Variants in NAALADL2 observed in about 807,000 individuals in gnomAD.
The protein encoded by NAALADL2 is inactive N-acetylated-alpha-linked acidic dipeptidase-like protein 2.
Under a neutral mutation model 87.2 loss-of-function variants are expected in NAALADL2, and 76 were observed. That is an observed-to-expected ratio of 0.87 (90% CI 0.72 to 1.05). The LOEUF is 1.05. NAALADL2 is among the 50% of genes least tolerant of loss of function. The pLI, the probability that NAALADL2 is intolerant of heterozygous loss-of-function variation, is 0.00. For synonymous variants in NAALADL2, 354 were observed against 331.0 expected, an observed-to-expected ratio of 1.07 and a Z score of -0.75; for missense variants, 1,089 against 945.8, an observed-to-expected ratio of 1.15 and a Z score of -1.99.
chr3:174,734,211 A>G (rs897418942), intron 2 of NAALADL2, among the ~76,000 whole-genome samples: 24 of 152,118 alleles, frequency 1.6e-4, no homozygotes, highest in African/African-American at 5.3e-4. Flanking sequence ...GTGATTTCCA[A>G]TCCTCCTCAT....
intron 5 of NAALADL2, among the ~76,000 whole-genome samples, chr3:175,424,187 AT>A: frequency 6.6e-6 from 1 of 151,978 alleles, no homozygotes; most frequent in South Asian, 2.1e-4. Context: ...AGATGCAAAA[AT>A]TTTGTCCCAT....
chr3:175,090,240 A>T (rs1456976966), intron 1 of NAALADL2, among the ~76,000 whole-genome samples: 2 of 152,086 alleles, frequency 1.3e-5, no homozygotes, highest in Non-Finnish European at 2.9e-5. Context: ...TGAGACTTAA[A>T]CTTATGTGGT....
At chr3:174,496,156 T>C (rs1245260488) in intron 1 of NAALADL2, among the ~76,000 whole-genome samples, 2 of 152,170 alleles carry the variant, frequency 1.3e-5, no homozygotes, top group African/African-American at 2.4e-5. Flanking sequence ...TGTGACCTCA[T>C]TGAGCATCCG....
intron 11 of NAALADL2, among the ~76,000 whole-genome samples, chr3:175,683,350 G>C (rs1259889025): frequency 6.6e-6 from 1 of 151,858 alleles, no homozygotes; most frequent in African/African-American, 2.4e-5. Flanking sequence ...TTAACTTAAA[G>C]ATTCAGTTTA....
intron 2 of NAALADL2, among the ~76,000 whole-genome samples, chr3:175,103,436 T>C (rs1271369688): frequency 1.3e-5 from 2 of 152,188 alleles, no homozygotes; most frequent in Non-Finnish European, 2.9e-5. Context: ...TGACACTATT[T>C]GTTTAGGTTA....
intron 13 of NAALADL2, among the ~76,000 whole-genome samples, chr3:175,797,988 A>G (rs6793817): frequency 0.26 from 40,215 of 151,924 alleles, 8,280 homozygotes; most frequent in African/African-American, 0.57. Context: ...TTTTGTTTTA[A>G]CCTTCCATTT....
At chr3:175,295,772 TCACA>T (rs1371161241) in intron 4 of NAALADL2, among the ~76,000 whole-genome samples, 4 of 150,716 alleles carry the variant, frequency 2.7e-5, no homozygotes, top group Non-Finnish European at 4.4e-5. Context: ...CTCAGCACTC[TCACA>T]CACCTTTCAG....
intron 11 of NAALADL2, among the ~76,000 whole-genome samples, chr3:175,630,167 A>G (rs1236945884): frequency 6.6e-6 from 1 of 151,814 alleles, no homozygotes; most frequent in Non-Finnish European, 1.5e-5. Context: ...CACCAATAGC[A>G]GAACTGAGAA....
chr3:175,572,194 C>G (rs1718178505), intron 9 of NAALADL2, among the ~76,000 whole-genome samples: 1 of 152,158 alleles, frequency 6.6e-6, no homozygotes, highest in Non-Finnish European at 1.5e-5. Flanking sequence ...AAGCATTTTC[C>G]CTCCCTTTGG....
intron 9 of NAALADL2, among the ~76,000 whole-genome samples, chr3:175,549,977 G>A (rs900534803): frequency 1.3e-5 from 2 of 152,040 alleles, no homozygotes; most frequent in African/African-American, 4.8e-5. Context: ...AAATAGGTAG[G>A]CCCAGAAGCT....
intron 5 of NAALADL2, among the ~76,000 whole-genome samples, chr3:175,431,258 T>C (rs1717707487): frequency 1.3e-5 from 2 of 152,226 alleles, no homozygotes; most frequent in South Asian, 4.1e-4. Flanking sequence ...GAGTTGGGCA[T>C]ACTGCAGAAA....
intron 1 of NAALADL2, among the ~76,000 whole-genome samples, chr3:174,934,009 T>A (rs971612622): frequency 6.6e-6 from 1 of 152,200 alleles, no homozygotes. Flanking sequence ...ATGATAAATA[T>A]ACATATTAAG....
At chr3:175,437,034 G>T (rs1250378349) in intron 5 of NAALADL2, among the ~76,000 whole-genome samples, 2 of 132,280 alleles carry the variant, frequency 1.5e-5, no homozygotes, top group African/African-American at 2.9e-5. Context: ...TGTATAAGGT[G>T]TAAGGAAGGG....
intron 1 of NAALADL2, among the ~76,000 whole-genome samples, chr3:174,891,227 G>A (rs1035192563): frequency 6.6e-6 from 1 of 151,794 alleles, no homozygotes; most frequent in Non-Finnish European, 1.5e-5. Context: ...AATATTTTTG[G>A]CATGTTAGAA....
intron 2 of NAALADL2, among the ~76,000 whole-genome samples, chr3:175,196,439 C>T (rs978097130): frequency 6.6e-6 from 1 of 151,860 alleles, no homozygotes; most frequent in South Asian, 2.1e-4. Context: ...TGTCTGGAAG[C>T]TCTTCCGTTG....
chr3:174,600,133 C>T (rs552425681), intron 2 of NAALADL2, among the ~76,000 whole-genome samples: 1 of 152,008 alleles, frequency 6.6e-6, no homozygotes, highest in East Asian at 1.9e-4. Context: ...ACAGTGTCTC[C>T]TTGGATTTTT....
chr3:174,713,432 T>C (rs1228886915), intron 2 of NAALADL2, among the ~76,000 whole-genome samples: 1 of 152,060 alleles, frequency 6.6e-6, no homozygotes, highest in Non-Finnish European at 1.5e-5. Flanking sequence ...AGTGTAAAAG[T>C]GTTCCTATTT....
chr3:174,872,729 CA>C (rs1560307498), intron 1 of NAALADL2, among the ~76,000 whole-genome samples: 1 of 144,718 alleles, frequency 6.9e-6, no homozygotes, highest in Non-Finnish European at 1.5e-5. Flanking sequence ...TCTACACACA[CA>C]CATACACACA....
intron 3 of NAALADL2, among the ~76,000 whole-genome samples, chr3:174,852,029 C>T (rs997909464): frequency 2.0e-5 from 3 of 152,018 alleles, no homozygotes; most frequent in African/African-American, 7.2e-5. Flanking sequence ...ATTCAACATA[C>T]CTTCATGAGA....
Sources: gnomAD v4.1 joint callset for allele counts (sites outside exome capture counted in the v4.1 genomes callset) on GRCh38, gnomAD v4.1.1 for gene constraint, MANE v1.5 for transcripts, NCBI Gene and HGNC (gene_info 2026-07-23, HGNC 2026-07-21) for gene names.